The following RMDN2 variants were observed in gnomAD, a reference collection of about 807,000 sequenced individuals.
RMDN2 encodes the protein regulator of microtubule dynamics 2.
A neutral mutation model predicts 52.8 loss-of-function variants in RMDN2; 61 were observed. The ratio of observed to expected loss-of-function variants is 1.16; its 90% CI spans 0.94 to 1.43. RMDN2 has a LOEUF of 1.43. Among genes scored for constraint, RMDN2 ranks in the 40% most tolerant of loss-of-function variants. RMDN2 has a pLI of 0.00. For synonymous variants in RMDN2, 180 were observed against 153.1 expected (o/e 1.18, Z -1.30); for missense variants, 592 against 475.3 (o/e 1.25, Z -2.28).
At chr2:38,006,809 T>G (rs1219866921) in intron 10 of RMDN2, among the ~76,000 whole-genome samples, 1 of 152,146 alleles carries the variant, frequency 6.6e-6, no homozygotes, top group Non-Finnish European at 1.5e-5. Flanking sequence ...GCTTCCAGTT[T>G]TTGCCCATTC....
intron 2 of RMDN2, among the ~76,000 whole-genome samples, chr2:37,938,715 G>T (rs924579239): frequency 1.3e-5 from 2 of 152,122 alleles, no homozygotes; most frequent in African/African-American, 4.8e-5. Context: ...ATGGTAGTTT[G>T]TATTTTTGTG....
At chr2:38,045,499 C>A (rs1340751463) in intron 10 of RMDN2, among the ~76,000 whole-genome samples, 1 of 152,152 alleles carries the variant, frequency 6.6e-6, no homozygotes, top group Non-Finnish European at 1.5e-5. Context: ...GCAACTTCTT[C>A]CTCACCTTTT....
intron 2 of RMDN2, chr2:37,951,088 C>G: frequency 1.3e-6 from 1 of 782,236 alleles, no homozygotes; most frequent in Non-Finnish European, 2.0e-6. Flanking sequence ...CCCTATTCTT[C>G]TTATTCCCTG....
intron 10 of RMDN2, among the ~76,000 whole-genome samples, chr2:38,041,831 T>G (rs940766071): frequency 6.6e-6 from 1 of 152,190 alleles, no homozygotes; most frequent in Non-Finnish European, 1.5e-5. Flanking sequence ...GTAGTTTTTT[T>G]TATACAGTGT....
At chr2:38,038,415 C>T (rs551741393) in intron 10 of RMDN2, among the ~76,000 whole-genome samples, 2 of 152,278 alleles carry the variant, frequency 1.3e-5, no homozygotes, top group South Asian at 2.1e-4. Flanking sequence ...CGGTACAAGG[C>T]GGAAAGTGCC....
upstream of RMDN2, among the ~76,000 whole-genome samples, chr2:37,922,634 G>A (rs1445418191): frequency 1.3e-5 from 2 of 152,234 alleles, no homozygotes; most frequent in African/African-American, 2.4e-5. Context: ...CTGGCAAGCA[G>A]TAATTATATA....
At chr2:37,963,361 G>A (rs1384288711) in intron 2 of RMDN2, among the ~76,000 whole-genome samples, 6 of 139,148 alleles carry the variant, frequency 4.3e-5, no homozygotes, top group East Asian at 2.0e-4. Context: ...GGTGTTTCTC[G>A]GAGAGGGGGA....
At chr2:37,984,165 A>G (rs114079785) in intron 5 of RMDN2, among the ~76,000 whole-genome samples, 1,894 of 152,308 alleles carry the variant, frequency 0.012, 47 homozygotes, top group African/African-American at 0.043. Flanking sequence ...TTTTATCTCT[A>G]TCTTTTCTAA....
At chr2:37,994,179 C>G (rs144887374) in intron 7 of RMDN2, among the ~76,000 whole-genome samples, 5 of 152,118 alleles carry the variant, frequency 3.3e-5, no homozygotes, top group Non-Finnish European at 7.4e-5. Context: ...AAACAAAAAA[C>G]CAGCAGTGGA....
intron 2 of RMDN2, among the ~76,000 whole-genome samples, chr2:37,971,313 A>G (rs1361850698): frequency 6.6e-6 from 1 of 152,116 alleles, no homozygotes; most frequent in Non-Finnish European, 1.5e-5. Flanking sequence ...CATTTGTTCT[A>G]GCACTATTTG....
At chr2:38,061,373 C>G (rs1682040604) in intron 10 of RMDN2, among the ~76,000 whole-genome samples, 1 of 152,188 alleles carries the variant, frequency 6.6e-6, no homozygotes. Context: ...GATTATGGGC[C>G]AATGTCATCT....
Position 37,991,238 on chromosome 2 carries a change from A to G in RMDN2, c.886A>G (p.Ile296Val), listed in dbSNP as rs140021582. 334 of 1,589,454 alleles carry G rather than the reference A, an allele frequency of 2.1e-4. 1 individual carries two copies. The African/African-American group carries it at 3.7e-3, about 17-fold the overall frequency. Reference protein sequence around the residue: ...HLFKEHLDIAIKLLPEEPFLY... With the variant: ...HLFKEHLDIAVKLLPEEPFLY... ...TTTTCAGGAACATCTAGATATAGCA[A>G]TCAAACTTTTACCAGAGGAACCCTT... Residue 296 changes from isoleucine (I) to valine (V), a missense_variant, in exon 7 of 11, where the codon ATC becomes GTC. Ile to Val is a conservative substitution (Grantham distance 29). Coordinates refer to ENST00000354545, the MANE Select transcript of RMDN2 (RefSeq NM_001170791.3).
chr2:37,960,632 T>G (rs1163419619), intron 2 of RMDN2, among the ~76,000 whole-genome samples: 1 of 152,140 alleles, frequency 6.6e-6, no homozygotes, highest in Non-Finnish European at 1.5e-5. Context: ...GGGAATTTAG[T>G]CAATTTACAT....
rs1195930538 is a variant in RMDN2 at position 37,991,790 on chromosome 2, C to G, written c.945+493C>G. Among the ~76,000 whole-genome samples, 4 of 152,122 alleles carry G rather than the reference C, an allele frequency of 2.6e-5. No homozygotes were observed. The South Asian group carries it at 8.3e-4, about 32-fold the overall frequency. On this transcript the variant is annotated intron_variant, in intron 7 of 10. Transcript: ENST00000354545. The stretch of plus-strand genomic sequence containing the variant: ...ACTGGCCAGGGATGAATAAAACACT[C>G]CTTGCTTTTAAGGAACTTAATTTGG...
chr2:38,007,067 G>A (rs1490095131), intron 10 of RMDN2, among the ~76,000 whole-genome samples: 5 of 152,166 alleles, frequency 3.3e-5, no homozygotes, highest in Non-Finnish European at 7.3e-5. Flanking sequence ...ACTTGATGAT[G>A]GTGGATAAGC....
At chr2:37,941,865 T>G (rs997918683) in intron 2 of RMDN2, among the ~76,000 whole-genome samples, 2 of 151,902 alleles carry the variant, frequency 1.3e-5, no homozygotes, top group African/African-American at 4.8e-5. Flanking sequence ...TAGGCCACTT[T>G]GCTCCCTGGC....
At chr2:37,959,567 C>T (rs777915964) in intron 2 of RMDN2, among the ~76,000 whole-genome samples, 7 of 150,482 alleles carry the variant, frequency 4.7e-5, no homozygotes, top group East Asian at 1.9e-4. Context: ...ATCTGGCTAG[C>T]GATCTATTTT....
chr2:38,050,387 T>A (rs1039103067), intron 10 of RMDN2, among the ~76,000 whole-genome samples: 5 of 151,836 alleles, frequency 3.3e-5, no homozygotes, highest in African/African-American at 1.2e-4. Flanking sequence ...TGACCATATA[T>A]CCCCACATAC....
At chr2:37,931,899 A>G (rs1030570331) in intron 2 of RMDN2, among the ~76,000 whole-genome samples, 22 of 152,298 alleles carry the variant, frequency 1.4e-4, no homozygotes, top group Admixed American at 3.9e-4. Context: ...AGTAGATGCA[A>G]TACATCCCCA....
Sources: gnomAD v4.1 joint callset for allele counts (sites outside exome capture counted in the v4.1 genomes callset) on GRCh38, gnomAD v4.1.1 for gene constraint, MANE v1.5 for transcripts, NCBI Gene and HGNC (gene_info 2026-07-23, HGNC 2026-07-21) for gene names.